Variants in GRID2 observed in about 807,000 individuals in gnomAD.
GRID2 encodes glutamate receptor ionotropic, delta-2.
A neutral mutation model predicts 114.8 loss-of-function variants in GRID2; 33 were observed. That is an observed-to-expected ratio of 0.29 (90% CI 0.22 to 0.38). The LOEUF (loss-of-function observed/expected upper bound fraction) is 0.38, where lower values mean the gene tolerates loss of function less well. Among genes scored for constraint, GRID2 ranks in the 10% least tolerant of loss-of-function variants. The pLI, the probability that GRID2 is intolerant of heterozygous loss-of-function variation, is 1.00. For synonymous variants in GRID2, 505 were observed against 449.9 expected (o/e 1.12, Z -1.55); for missense variants, 1,184 against 1,257.7 (o/e 0.94, Z 0.89).
intron 2 of GRID2, among the ~76,000 whole-genome samples, chr4:92,794,899 T>TACAC: frequency 7.3e-6 from 1 of 136,708 alleles, no homozygotes; most frequent in East Asian, 2.4e-4. Context: ...TATATATATA[T>TACAC]ATATATACAC....
At chr4:93,331,676 T>C (rs1758477408) in intron 8 of GRID2, among the ~76,000 whole-genome samples, 1 of 152,044 alleles carries the variant, frequency 6.6e-6, no homozygotes, top group African/African-American at 2.4e-5. Context: ...TACATACACA[T>C]ATATAGGAGT....
chr4:93,502,757 G>T (rs910809076), intron 12 of GRID2, among the ~76,000 whole-genome samples: 2 of 117,624 alleles, frequency 1.7e-5, no homozygotes, highest in African/African-American at 6.5e-5. Flanking sequence ...ACACACACAC[G>T]TACTACAGCC....
intron 2 of GRID2, among the ~76,000 whole-genome samples, chr4:92,954,375 G>A (rs980050127): frequency 6.6e-6 from 1 of 151,978 alleles, no homozygotes; most frequent in South Asian, 2.1e-4. Context: ...AGGTAGACTG[G>A]GGGATCTTGG....
intron 14 of GRID2, among the ~76,000 whole-genome samples, chr4:93,704,929 T>G (rs1481891308): frequency 6.6e-6 from 1 of 152,224 alleles, no homozygotes; most frequent in African/African-American, 2.4e-5. Context: ...TGCAGACACC[T>G]TTTTGATATA....
At chr4:93,017,154 G>A (rs1010788056) in intron 2 of GRID2, among the ~76,000 whole-genome samples, 1 of 152,044 alleles carries the variant, frequency 6.6e-6, no homozygotes, top group African/African-American at 2.4e-5. Context: ...TGTTTCCCAT[G>A]GGGATTTTTT....
chr4:92,433,645 C>A (rs1250455486), intron 1 of GRID2, among the ~76,000 whole-genome samples: 1 of 152,140 alleles, frequency 6.6e-6, no homozygotes, highest in African/African-American at 2.4e-5. Flanking sequence ...CTTTCCACCC[C>A]CTTCAGTGCC....
At chr4:92,869,319 A>G (rs938314018) in intron 2 of GRID2, among the ~76,000 whole-genome samples, 1 of 152,232 alleles carries the variant, frequency 6.6e-6, no homozygotes, top group African/African-American at 2.4e-5. Flanking sequence ...TACTCAATAC[A>G]GAAGCTTTTA....
chr4:93,301,420 G>C (rs1754855381), intron 8 of GRID2, among the ~76,000 whole-genome samples: 1 of 152,054 alleles, frequency 6.6e-6, no homozygotes, highest in African/African-American at 2.4e-5. Flanking sequence ...AGTTTAAACT[G>C]GGATTCGTTA....
intron 8 of GRID2, among the ~76,000 whole-genome samples, chr4:93,341,323 T>G (rs1865231): frequency 0.057 from 7,996 of 140,642 alleles, 230 homozygotes; most frequent in African/African-American, 0.079. Flanking sequence ...TTAGTCCTTC[T>G]ACTATTTTTT....
chr4:92,306,591 G>T (rs920095292), intron 1 of GRID2, among the ~76,000 whole-genome samples: 7 of 152,188 alleles, frequency 4.6e-5, no homozygotes, highest in Non-Finnish European at 7.3e-5. Context: ...GCCTGTGGAA[G>T]AATGCTTTTT....
chr4:92,666,922 T>G (rs556589126), intron 2 of GRID2, among the ~76,000 whole-genome samples: 1 of 151,514 alleles, frequency 6.6e-6, no homozygotes, highest in African/African-American at 2.4e-5. Context: ...TTTGTGTTTG[T>G]CCCTCCTTGA....
chr4:93,412,219 G>C (rs1452256141), intron 9 of GRID2, among the ~76,000 whole-genome samples: 1 of 150,198 alleles, frequency 6.7e-6, no homozygotes, highest in African/African-American at 2.5e-5. Context: ...GGGCAGCATA[G>C]TAAGACCCAT....
chr4:92,599,483 AT>A lies in GRID2; in HGVS notation c.244+9199del, dbSNP rs1403646520. On this transcript the variant is annotated intron_variant, in intron 2 of 15. Coordinates refer to ENST00000282020, the MANE Select transcript of GRID2 (RefSeq NM_001510.4). Reference sequence around the variant, plus strand: ...TATCTTTCCATGCTTTGCACATTTCATTGCAATTATACATAGGGAAATATTA... The same window carrying A: ...TATCTTTCCATGCTTTGCACATTTCATGCAATTATACATAGGGAAATATTA... Among the ~76,000 whole-genome samples, 4 of 152,164 alleles carry A rather than the reference AT, an allele frequency of 2.6e-5. No homozygotes were observed. In the East Asian group the frequency reaches 7.7e-4, roughly 29 times the overall value.
At chr4:92,684,164 A>C (rs1378501700) in intron 2 of GRID2, among the ~76,000 whole-genome samples, 1 of 152,064 alleles carries the variant, frequency 6.6e-6, no homozygotes, top group Non-Finnish European at 1.5e-5. Flanking sequence ...TGTAATTTAT[A>C]CTATCATATA....
Position 93,369,497 on chromosome 4 carries a change from C to CT in GRID2, c.1246-26104dup, listed in dbSNP as rs951988676. ...CTAACAAGCAGCTTAAAATAGGTTT[C>CT]TTTTTTCTTTGAGACAGGGTCTTGC... On this transcript the variant is annotated intron_variant, in intron 8 of 15. Transcript: ENST00000282020. Among the ~76,000 whole-genome samples the CT allele has an allele frequency of 4.6e-5, 7 of 152,038 alleles. No homozygotes were observed. The East Asian group carries it at 1.3e-3, about 29-fold the overall frequency.
At chr4:93,038,360 A>G (rs1170196812) in intron 2 of GRID2, among the ~76,000 whole-genome samples, 1 of 152,226 alleles carries the variant, frequency 6.6e-6, no homozygotes, top group Non-Finnish European at 1.5e-5. Flanking sequence ...ATATGAACAG[A>G]CACTTCTCAA....
In GRID2 at chr4:93,238,464, G is replaced by C; in HGVS notation, c.1219G>C (p.Glu407Gln). 2 of 1,610,056 alleles carry C rather than the reference G, an allele frequency of 1.2e-6. No homozygotes were observed. The highest frequency in any genetic ancestry group is 2.2e-5 in the South Asian group (2 of 90,990). Residue 407 changes from glutamate to glutamine, a missense_variant, in exon 8 of 16, where the codon GAA becomes CAA. By Grantham distance (29) the Glu-to-Gln change is conservative. This residue lies in a region of GRID2 where 717 missense variants were observed against 796.9 expected (regional missense o/e 0.90). Transcript: ENST00000282020. ...TGAAATCCTTGGAACCAACTATGGAGAAGAGCTTGGCAGAGGTGTTCGAAA... is the reference window on the plus strand; with the variant it reads ...TGAAATCCTTGGAACCAACTATGGACAAGAGCTTGGCAGAGGTGTTCGAAA... ...HFEILGTNYG[E>Q]ELGRGVRKLG...
At chr4:92,333,225 G>A (rs998830725) in intron 1 of GRID2, among the ~76,000 whole-genome samples, 8 of 152,204 alleles carry the variant, frequency 5.3e-5, no homozygotes, top group Non-Finnish European at 7.3e-5. Flanking sequence ...TTGTGTGTAC[G>A]TGGTGACACA....
At chr4:93,015,329 A>G (rs1008963974) in intron 2 of GRID2, among the ~76,000 whole-genome samples, 1 of 152,170 alleles carries the variant, frequency 6.6e-6, no homozygotes, top group African/African-American at 2.4e-5. Context: ...TCAAAGCAAC[A>G]AGGAAGCTAC....
Sources: gnomAD v4.1 joint callset for allele counts (sites outside exome capture counted in the v4.1 genomes callset) on GRCh38, gnomAD v4.1.1 for gene constraint, gnomAD v4.1.1 regional missense constraint, MANE v1.5 for transcripts, NCBI Gene and HGNC (gene_info 2026-07-23, HGNC 2026-07-21) for gene names.